Variants in AGAP3 observed in about 807,000 individuals in gnomAD.
AGAP3 encodes ArfGAP with GTPase domain, ankyrin repeat and PH domain 3, also known as arf-GAP with GTPase, ANK repeat and PH domain-containing protein 3.
Under a neutral mutation model 96.9 loss-of-function variants are expected in AGAP3, and 24 were observed. The ratio of observed to expected loss-of-function variants is 0.25; its 90% CI spans 0.18 to 0.35. The LOEUF (loss-of-function observed/expected upper bound fraction) is 0.35. Ranked by LOEUF, AGAP3 falls within the 10% of genes least tolerant of loss-of-function variation. AGAP3 has a pLI of 1.00. For synonymous variants in AGAP3, 563 were observed against 536.1 expected, an observed-to-expected ratio of 1.05 and a Z score of -0.69; for missense variants, 876 against 1,254.2, an observed-to-expected ratio of 0.70 and a Z score of 4.55.
At chr7:151,107,571 C>G (rs1385536444) in intron 1 of AGAP3, among the ~76,000 whole-genome samples, 1 of 152,034 alleles carries the variant, frequency 6.6e-6, no homozygotes, top group Non-Finnish European at 1.5e-5. Context: ...CTGCAGTGAG[C>G]TGTGATGGCG....
At chr7:151,117,564 T>TC in intron 4 of AGAP3, 72 bp from the exon 5 acceptor site, 1 of 1,609,984 alleles carries the variant, frequency 6.2e-7, no homozygotes, top group Non-Finnish European at 8.5e-7. Flanking sequence ...AGGGTCTACT[T>TC]GAGTTCACCT....
chr7:151,103,747 C>A (rs951988919), intron 1 of AGAP3, among the ~76,000 whole-genome samples: 1 of 152,128 alleles, frequency 6.6e-6, no homozygotes, highest in African/African-American at 2.4e-5. Context: ...TCTTACAGAG[C>A]TTTTTTTGTT....
chr7:151,105,641 C>T (rs1799011638), intron 1 of AGAP3, among the ~76,000 whole-genome samples: 1 of 151,596 alleles, frequency 6.6e-6, no homozygotes, highest in African/African-American at 2.4e-5. Flanking sequence ...TGACACACAC[C>T]TGTGCTCCCA....
intron 9 of AGAP3, chr7:151,128,352 C>T (rs1016351028): frequency 1.5e-5 from 8 of 526,540 alleles, no homozygotes; most frequent in African/African-American, 1.1e-4. Flanking sequence ...GCCGGAACAG[C>T]GGTCCAGCTG....
rs1799450857 is a variant in AGAP3 at position 151,114,656 on chromosome 7, G to C, written c.332-2137G>C. On this transcript the variant is annotated intron_variant, in intron 1 of 17. Transcript: ENST00000397238. This position sits in a 1 kb window ranked among gnomAD's most constrained non-coding sequence, Gnocchi z 4.4. ...GGTGGAGGAGTTGAGGGACTCGGTC[G>C]GCCCACACCAGGTGCCCAGAGGCCG... 3 of 943,182 alleles carry C rather than the reference G, an allele frequency of 3.2e-6. No homozygotes were observed. The Admixed American group carries it at 1.8e-4, about 57-fold the overall frequency. The allele number at this position is 943,182 out of a possible 1,614,324, so 58.4% of individuals were successfully genotyped here. A position where few individuals can be genotyped will look rare whatever the true frequency, so the allele number is the denominator to read the frequency against.
intron 1 of AGAP3, among the ~76,000 whole-genome samples, chr7:151,089,011 G>T (rs182876423): frequency 2.0e-5 from 3 of 151,940 alleles, no homozygotes; most frequent in Non-Finnish European, 4.4e-5. Context: ...TCACACATCC[G>T]TTCTCAGCCC....
chr7:151,134,914 A>C (rs1464042567), intron 11 of AGAP3, among the ~76,000 whole-genome samples: 2 of 152,120 alleles, frequency 1.3e-5, no homozygotes, highest in African/African-American at 4.8e-5. Flanking sequence ...ATCTCAGCCA[A>C]GGTTGGCATA....
intron 7 of AGAP3, 35 bp from the exon 8 acceptor site, chr7:151,119,952 C>T (rs1037054493): frequency 6.2e-7 from 1 of 1,609,154 alleles, no homozygotes; most frequent in Non-Finnish European, 8.5e-7. Flanking sequence ...CGCCCCTGAC[C>T]CGGAGCTGCC....
intron 8 of AGAP3, among the ~76,000 whole-genome samples, chr7:151,122,453 C>T (rs569975422): frequency 3.0e-4 from 45 of 152,296 alleles, no homozygotes; most frequent in East Asian, 5.8e-4. Flanking sequence ...CATACCATTC[C>T]GTGCTGAGGT....
intron 8 of AGAP3, 90 bp downstream of exon 8, chr7:151,120,235 G>C: frequency 7.2e-7 from 1 of 1,398,072 alleles, no homozygotes; most frequent in South Asian, 1.4e-5. Context: ...GGCGTGGGCA[G>C]CCCCAAGTCA....
At position 151,118,850 on chromosome 7, in the gene AGAP3, C is replaced by T. The variant is rs1233178899; in HGVS notation, c.969+218C>T. On this transcript the variant is annotated intron_variant, in intron 7 of 17. Transcript: ENST00000397238. This position sits in a 1 kb window ranked among gnomAD's most constrained non-coding sequence, Gnocchi z 6.1. ...CCACGGTGCCTGCCCCTTCCCGCTG[C>T]AATCCCCACTTCTCTCTGCTCTCCA... Among the ~76,000 whole-genome samples, 1 of 152,204 alleles carries T rather than the reference C, an allele frequency of 6.6e-6. No individual in the cohort carries two copies. The highest frequency in any genetic ancestry group is 1.9e-4 in the East Asian group (1 of 5,188).
Position 151,141,564 on chromosome 7 carries a change from A to G in AGAP3, c.1805-334A>G. 1 of 335,550 alleles carries G rather than the reference A, an allele frequency of 3.0e-6. No homozygotes were observed. Among genetic ancestry groups the G allele is most frequent in the Non-Finnish European group, 5.6e-6 (1 of 177,308 alleles). 20.8% of individuals were successfully genotyped at this position (335,550 alleles called of 1,614,324 possible). A position where few individuals can be genotyped will look rare whatever the true frequency, so the allele number is the denominator to read the frequency against. ...CTAGCACCCCGTCACATCCTTCTCC[A>G]GATACTCAGCTCTTTCTGTGGGATG... On this transcript the variant is annotated intron_variant, in intron 13 of 17. Coordinates refer to ENST00000397238, the MANE Select transcript of AGAP3 (RefSeq NM_031946.7). This position sits in a 1 kb window ranked among gnomAD's most constrained non-coding sequence, Gnocchi z 4.2.
intron 11 of AGAP3, chr7:151,137,807 G>GA (rs1373634697): frequency 8.3e-6 from 3 of 360,110 alleles, no homozygotes; most frequent in East Asian, 1.0e-4. Context: ...GCCAGGAGGG[G>GA]CCCCTCAAGG....
intron 8 of AGAP3, 37 bp downstream of exon 8, chr7:151,120,182 T>C (rs1563483041): frequency 6.4e-7 from 1 of 1,564,172 alleles, no homozygotes; most frequent in South Asian, 1.2e-5. Context: ...CAGCTGCCTT[T>C]GCTGCACAGG....
At position 151,143,994 on chromosome 7, in the gene AGAP3, C is replaced by G; in HGVS notation, c.*51C>G. On this transcript the variant is annotated 3_prime_UTR_variant, in exon 18 of 18. Transcript: ENST00000397238. The surrounding 1 kb of genome is among the most constrained non-coding windows in gnomAD (Gnocchi z 5.9). ...AGAAGGACTCCATGGCCCAAAGACC[C>G]TCCTCCCTGCAGGCACTGTGGGAAC... The G allele has an allele frequency of 2.6e-6, 4 of 1,551,208 alleles. No individual in the cohort carries two copies. Among genetic ancestry groups the G allele is most frequent in the Non-Finnish European group, 3.5e-6 (4 of 1,129,562 alleles).
At chr7:151,125,297 A>G (rs975399323) in intron 9 of AGAP3, among the ~76,000 whole-genome samples, 1 of 152,160 alleles carries the variant, frequency 6.6e-6, no homozygotes, top group Non-Finnish European at 1.5e-5. Context: ...CCCTTTCCTC[A>G]CTGGTCGTCA....
In AGAP3 at chr7:151,123,952, G is replaced by C. The variant is rs1013150108; in HGVS notation, c.1221+66G>C. 7 of 1,513,510 alleles carry C rather than the reference G, an allele frequency of 4.6e-6. No homozygotes were observed. The South Asian group carries it at 6.8e-5, about 15-fold the overall frequency. 93.8% of individuals were successfully genotyped at this position (1,513,510 alleles called of 1,614,324 possible). A position where few individuals can be genotyped will look rare whatever the true frequency, so the allele number is the denominator to read the frequency against. Reference sequence around the variant, plus strand: ...AGGCCCAGGAATGTGGCGCTTCCCAGGGCCTCTTCTCAGGCCTCTGTGATG... The same window carrying C: ...AGGCCCAGGAATGTGGCGCTTCCCACGGCCTCTTCTCAGGCCTCTGTGATG... On this transcript the variant is annotated intron_variant, in intron 9 of 17. Transcript: ENST00000397238.
chr7:151,117,806 G>C, intron 5 of AGAP3, 29 bp downstream of exon 5: 1 of 1,591,060 alleles, frequency 6.3e-7, no homozygotes, highest in Non-Finnish European at 8.6e-7. Context: ...GGAGCTGGCA[G>C]AGAGCAGGAA....
chr7:151,115,202 C>G, intron 1 of AGAP3: 2 of 1,008,276 alleles, frequency 2.0e-6, no homozygotes, highest in South Asian at 4.2e-5. Flanking sequence ...AGGCGCCGGG[C>G]GCGGGTCTGG....
Sources: allele counts gnomAD v4.1 joint callset (sites outside exome capture counted in the v4.1 genomes callset), GRCh38; gene constraint gnomAD v4.1.1; non-coding constraint Gnocchi (gnomAD v3.1); transcripts MANE v1.5; gene names NCBI Gene and HGNC (gene_info 2026-07-23, HGNC 2026-07-21).